UBE2Z: variants seen among roughly 807,000 people sequenced by gnomAD.
UBE2Z encodes the protein ubiquitin-conjugating enzyme E2 Z.
In UBE2Z, 10 loss-of-function variants were observed where a neutral mutation model predicts 32.6. The ratio of observed to expected loss-of-function variants is 0.31; its 90% CI spans 0.19 to 0.52. The LOEUF is 0.52. Ranked by LOEUF, UBE2Z falls within the 20% of genes least tolerant of loss-of-function variation. UBE2Z has a pLI of 0.97. For synonymous variants in UBE2Z, 183 were observed against 190.8 expected, an observed-to-expected ratio of 0.96 and a Z score of 0.34; for missense variants, 343 against 480.9, an observed-to-expected ratio of 0.71 and a Z score of 2.68.
chr17:48,908,562 G>A lies in UBE2Z; in HGVS notation c.59G>A (p.Gly20Glu). Residue 20 changes from glycine (G) to glutamate (E), a missense_variant, in exon 1 of 7, where the codon GGG becomes GAG. Around this residue, in one of 4 missense-constraint regions of UBE2Z, gnomAD observed 103 missense variants for 96.2 expected, o/e 1.07. Transcript: ENST00000360943. ...GCGGGCGCCGGGGCGGCGGGCCCCG[G>A]GGCGAGCAGCGTTGCTGGTGTTGTT... ...ATAGAGAAGP[G>E]ASSVAGVVGV... 8.1e-7 allele frequency: 1 copy of A among 1,238,376 alleles called. No individual in the cohort carries two copies. Among genetic ancestry groups the A allele is most frequent in the Non-Finnish European group, 1.0e-6 (1 of 988,844 alleles). 76.7% of individuals were successfully genotyped at this position (1,238,376 alleles called of 1,614,324 possible). A position where few individuals can be genotyped will look rare whatever the true frequency, so the allele number is the denominator to read the frequency against.
At chr17:48,908,941 C>A in intron 1 of UBE2Z, 121 bp downstream of exon 1, 1 of 765,628 alleles carries the variant, frequency 1.3e-6, no homozygotes, top group Non-Finnish European at 1.8e-6. Flanking sequence ...CGGCCCACCT[C>A]CACGGCCCAA....
At chr17:48,915,870 C>T (rs1018576329) in intron 3 of UBE2Z, 6 of 333,090 alleles carry the variant, frequency 1.8e-5, no homozygotes, top group East Asian at 9.8e-5. Flanking sequence ...CTTTTGCCCC[C>T]CCCCCTTGAT....
intron 6 of UBE2Z, among the ~76,000 whole-genome samples, chr17:48,923,628 A>G (rs1037904542): frequency 1.3e-5 from 1 of 76,538 alleles, no homozygotes; most frequent in Non-Finnish European, 3.9e-5. Flanking sequence ...GTCTCAAAAA[A>G]AAAAGCTAAA....
At chr17:48,921,293 C>T in intron 5 of UBE2Z, 21 bp downstream of exon 5, 1 of 1,584,246 alleles carries the variant, frequency 6.3e-7, no homozygotes, top group East Asian at 2.3e-5. Flanking sequence ...AGCGGGCTTG[C>T]TTGGTATTCC....
chr17:48,926,690 A>G (rs1437712521), intron 6 of UBE2Z, among the ~76,000 whole-genome samples: 1 of 152,172 alleles, frequency 6.6e-6, no homozygotes, highest in African/African-American at 2.4e-5. Flanking sequence ...CATGTTGGTC[A>G]GGCTGGTCTC....
In UBE2Z at chr17:48,922,997, C is replaced by T. The variant is rs560971269; in HGVS notation, c.894+60C>T. 1.3e-4 allele frequency: 193 copies of T among 1,468,048 alleles called. No individual in the cohort carries two copies. The African/African-American group carries it at 1.7e-3, about 13-fold the overall frequency. 90.9% of individuals were successfully genotyped at this position (1,468,048 alleles called of 1,614,324 possible). ...TACAGCTGGCCATGTAAAAGCCCCC[C>T]ACAAGCGTGGCATCGACAGCTGTCA... On this transcript the variant is annotated intron_variant, in intron 6 of 6. Transcript: ENST00000360943.
chr17:48,916,973 A>G (rs1252562421), intron 4 of UBE2Z, among the ~76,000 whole-genome samples: 1 of 151,608 alleles, frequency 6.6e-6, no homozygotes, highest in Non-Finnish European at 1.5e-5. Context: ...ATTACACTCC[A>G]GCCTGGGTAA....
chr17:48,913,046 A>G (rs1472405483), intron 3 of UBE2Z, 25 bp downstream of exon 3: 3 of 1,607,634 alleles, frequency 1.9e-6, no homozygotes, highest in Non-Finnish European at 2.6e-6. Flanking sequence ...TTAAGTAGCC[A>G]AGTCGGTTGT....
intron 2 of UBE2Z, 28 bp downstream of exon 2, chr17:48,910,908 G>T (rs757052167): frequency 1.9e-6 from 3 of 1,592,762 alleles, no homozygotes; most frequent in Non-Finnish European, 8.6e-7. Context: ...GGTTTGGGGG[G>T]TTTTGGGAAA....
At chr17:48,922,821 C>T (rs908961715) in intron 5 of UBE2Z, 26 bp from the exon 6 acceptor site, 10 of 1,594,696 alleles carry the variant, frequency 6.3e-6, no homozygotes, top group Non-Finnish European at 6.9e-6. Flanking sequence ...GGGTTTCTCA[C>T]TTACACTTTT....
At chr17:48,918,140 C>T (rs550755337) in intron 4 of UBE2Z, among the ~76,000 whole-genome samples, 1 of 151,242 alleles carries the variant, frequency 6.6e-6, no homozygotes, top group African/African-American at 2.4e-5. Context: ...GTTTCACCAT[C>T]TTGGCCAGGC....
chr17:48,927,271 T>C lies in UBE2Z; in HGVS notation c.*137T>C. 1.0e-6 allele frequency: 1 copy of C among 958,238 alleles called. No individual in the cohort carries two copies. The highest frequency in any genetic ancestry group is 1.5e-6 in the Non-Finnish European group (1 of 651,302). 59.4% of individuals were successfully genotyped at this position (958,238 alleles called of 1,614,324 possible). On this transcript the variant is annotated 3_prime_UTR_variant, in exon 7 of 7. Coordinates refer to ENST00000360943, the MANE Select transcript of UBE2Z (RefSeq NM_023079.5). The stretch of plus-strand genomic sequence containing the variant: ...GCAAGATGGCAAGAACCAAGCAAGC[T>C]CCGATCCCAGGGTGTGGGAGTGGGG...
At chr17:48,919,366 G>A (rs2040743419) in intron 4 of UBE2Z, among the ~76,000 whole-genome samples, 1 of 152,180 alleles carries the variant, frequency 6.6e-6, no homozygotes, top group Admixed American at 6.5e-5. Flanking sequence ...AAAATTAAAG[G>A]AGTAGAGGCC....
chr17:48,922,741 T>G, intron 5 of UBE2Z, 106 bp from the exon 6 acceptor site: 1 of 761,518 alleles, frequency 1.3e-6, no homozygotes, highest in South Asian at 2.1e-5. Context: ...CACTCCAACA[T>G]GGGCTACAGA....
chr17:48,912,799 A>G (rs993362870), intron 2 of UBE2Z, 35 bp from the exon 3 acceptor site: 1 of 1,610,388 alleles, frequency 6.2e-7, no homozygotes, highest in African/African-American at 1.3e-5. Flanking sequence ...GTGGGTCATC[A>G]CCTCACAATT....
At chr17:48,916,020 A>C in intron 3 of UBE2Z, 56 bp from the exon 4 acceptor site, 1 of 1,222,434 alleles carries the variant, frequency 8.2e-7, no homozygotes, top group Non-Finnish European at 1.2e-6. Flanking sequence ...GCCCCAGGGT[A>C]CTTGTTCCCT....
chr17:48,910,758 T>C, intron 1 of UBE2Z, 50 bp from the exon 2 acceptor site: 2 of 1,425,628 alleles, frequency 1.4e-6, no homozygotes, highest in Non-Finnish European at 2.0e-6. Context: ...GGATTCCCCC[T>C]TTCCCCCTCT....
At chr17:48,922,024 C>G (rs1176808743) in intron 5 of UBE2Z, among the ~76,000 whole-genome samples, 1 of 151,928 alleles carries the variant, frequency 6.6e-6, no homozygotes, top group African/African-American at 2.4e-5. Context: ...CAAGACCCTG[C>G]CTCAAAAAGA....
chr17:48,926,862 C>G, intron 6 of UBE2Z, 102 bp from the exon 7 acceptor site: 1 of 1,327,626 alleles, frequency 7.5e-7, no homozygotes. Context: ...GCTCCCATGG[C>G]TCAGAAGTTG....
Sources: gnomAD v4.1 joint callset for allele counts (sites outside exome capture counted in the v4.1 genomes callset) on GRCh38, gnomAD v4.1.1 for gene constraint, gnomAD v4.1.1 regional missense constraint, MANE v1.5 for transcripts, NCBI Gene and HGNC (gene_info 2026-07-23, HGNC 2026-07-21) for gene names.